TACC1: variants seen among roughly 807,000 people sequenced by gnomAD.
The protein encoded by TACC1 is transforming acidic coiled-coil containing protein 1.
Under a neutral mutation model 84.4 loss-of-function variants are expected in TACC1, and 48 were observed. The observed-to-expected ratio is 0.57, with a 90% CI of 0.45 to 0.72. The LOEUF (loss-of-function observed/expected upper bound fraction) is 0.72. Ranked by LOEUF, TACC1 falls within the 30% of genes least tolerant of loss-of-function variation. The pLI, the probability that TACC1 is intolerant of heterozygous loss-of-function variation, is 0.00. For synonymous variants in TACC1, 372 were observed against 376.3 expected (o/e 0.99, Z 0.13); for missense variants, 920 against 973.0 (o/e 0.95, Z 0.72).
intron 5 of TACC1, chr8:38,827,636 T>C (rs570035986): frequency 5.0e-5 from 25 of 497,518 alleles, no homozygotes; most frequent in Non-Finnish European, 8.0e-5. Context: ...CTTTATAATT[T>C]TATGTGAATA....
chr8:38,798,791 A>C (rs1240996130), intron 2 of TACC1, among the ~76,000 whole-genome samples: 1 of 152,116 alleles, frequency 6.6e-6, no homozygotes, highest in East Asian at 1.9e-4. Context: ...TTGTTGGGGA[A>C]ATGTGAGCTA....
chr8:38,803,054 G>A (rs1006238436), intron 2 of TACC1, among the ~76,000 whole-genome samples: 1 of 152,056 alleles, frequency 6.6e-6, no homozygotes, highest in Non-Finnish European at 1.5e-5. Context: ...GTTATAAATG[G>A]AATTGTTTTC....
chr8:38,847,483 T>G (rs1832526892), intron 12 of TACC1, among the ~76,000 whole-genome samples: 1 of 152,250 alleles, frequency 6.6e-6, no homozygotes, highest in Non-Finnish European at 1.5e-5. Flanking sequence ...TGTATTTTCT[T>G]TACTGCATTT....
chr8:38,759,432 C>T (rs1228080468), intron 3 of TACC1, among the ~76,000 whole-genome samples: 1 of 152,176 alleles, frequency 6.6e-6, no homozygotes, highest in Non-Finnish European at 1.5e-5. Context: ...TGACTGTATG[C>T]TGAAGAAATG....
At chr8:38,812,612 G>A (rs1362770636) in intron 2 of TACC1, among the ~76,000 whole-genome samples, 1 of 152,070 alleles carries the variant, frequency 6.6e-6, no homozygotes, top group Non-Finnish European at 1.5e-5. Context: ...TTTCCACATT[G>A]CAACTGGGGT....
intron 3 of TACC1, among the ~76,000 whole-genome samples, chr8:38,823,007 G>T (rs1052269341): frequency 6.6e-6 from 1 of 152,186 alleles, no homozygotes; most frequent in Non-Finnish European, 1.5e-5. Context: ...GATGAAATAT[G>T]GGAGTATGAG....
intron 1 of TACC1, chr8:38,742,249 G>A (rs1040430026): frequency 1.1e-5 from 5 of 470,896 alleles, no homozygotes; most frequent in African/African-American, 7.9e-5. Context: ...AACTGCAGAG[G>A]AATTTCTGAA....
chr8:38,737,192 T>G (rs1806129759), intron 1 of TACC1, among the ~76,000 whole-genome samples: 1 of 152,170 alleles, frequency 6.6e-6, no homozygotes, highest in African/African-American at 2.4e-5. Context: ...GCACTCAATC[T>G]AAGGACTTCT....
At position 38,772,039 on chromosome 8, in the gene TACC1, GA is replaced by G. The variant is rs1563372040; in HGVS notation, c.27-16664del. Among the ~76,000 whole-genome samples the G allele has an allele frequency of 2.9e-4, 44 of 152,182 alleles. 1 individual carries two copies. Among genetic ancestry groups the G allele is most frequent in the African/African-American group, 9.6e-4 (40 of 41,494 alleles). On this transcript the variant is annotated intron_variant, in intron 3 of 14. Transcript: ENST00000518415. ...AAAGAAAGAAAAAGAGAGAGAGAGAGAGAGAGAGAGAGAGGAAGGAAGGAAG... is the reference window on the plus strand; with the variant it reads ...AAAGAAAGAAAAAGAGAGAGAGAGAGGAGAGAGAGAGAGGAAGGAAGGAAG...
At chr8:38,827,399 T>G (rs1464952066) in intron 5 of TACC1, 24 bp downstream of exon 5, 1 of 1,611,248 alleles carries the variant, frequency 6.2e-7, no homozygotes, top group Non-Finnish European at 8.5e-7. Flanking sequence ...TCTTCATCTT[T>G]CTAATGTACA....
intron 8 of TACC1, 33 bp from the exon 9 acceptor site, chr8:38,840,191 C>T (rs536107465): frequency 6.4e-6 from 10 of 1,554,768 alleles, no homozygotes; most frequent in Admixed American, 5.1e-5. Flanking sequence ...TGAAAATCCT[C>T]CTCTGGTAAT....
chr8:38,749,585 T>A (rs550942641), intron 3 of TACC1, among the ~76,000 whole-genome samples: 94 of 152,114 alleles, frequency 6.2e-4, no homozygotes, highest in African/African-American at 2.2e-3. Flanking sequence ...TTTTTTTTGT[T>A]TGTTTTGTTT....
chr8:38,846,419 A>G, intron 11 of TACC1: 1 of 224,964 alleles, frequency 4.4e-6, no homozygotes, highest in Non-Finnish European at 8.6e-6. Context: ...AAAATTATGC[A>G]GTCTGCTTTT....
intron 3 of TACC1, among the ~76,000 whole-genome samples, chr8:38,765,711 G>A (rs1587418881): frequency 1.3e-5 from 2 of 152,230 alleles, no homozygotes; most frequent in Non-Finnish European, 2.9e-5. Context: ...ATTTACATGA[G>A]CAGAAGAAAG....
chr8:38,758,021 A>C (rs1216459095), intron 3 of TACC1, among the ~76,000 whole-genome samples: 1 of 152,208 alleles, frequency 6.6e-6, no homozygotes, highest in Non-Finnish European at 1.5e-5. Context: ...AGAGAAAGTG[A>C]TTAGGAGCAA....
rs1829179423 is a variant in TACC1, at chr8:38,831,279, G to T, written c.1713+102G>T. 8 of 1,181,430 alleles carry T rather than the reference G, an allele frequency of 6.8e-6. No homozygotes were observed. The African/African-American group carries it at 9.1e-5, about 13-fold the overall frequency. 73.2% of individuals were successfully genotyped at this position (1,181,430 alleles called of 1,614,324 possible). A position where few individuals can be genotyped will look rare whatever the true frequency, so the allele number is the denominator to read the frequency against. On this transcript the variant is annotated intron_variant, in intron 6 of 12. Coordinates refer to ENST00000317827, the MANE Select transcript of TACC1 (RefSeq NM_006283.3). ...TAAATTCTGGTCAGTGTTAGGTGAT[G>T]AGGATAAAATGTAAATGAGATAGTT...
intron 2 of TACC1, among the ~76,000 whole-genome samples, chr8:38,812,865 C>A (rs868837402): frequency 3.9e-5 from 6 of 152,124 alleles, no homozygotes; most frequent in Admixed American, 1.3e-4. Flanking sequence ...CTTGCTGTTA[C>A]GTCCCCAGTG....
chr8:38,843,407 T>C lies in TACC1; in HGVS notation c.2228+12T>C. The C allele has an allele frequency of 4.4e-6, 7 of 1,577,856 alleles. No homozygotes were observed. Among genetic ancestry groups the C allele is most frequent in the Non-Finnish European group, 5.2e-6 (6 of 1,160,148 alleles). On this transcript the variant is annotated intron_variant, in intron 11 of 12. Transcript: ENST00000317827. Reference sequence around the variant, plus strand: ...GAGAAACTGGACAAGTAAGAGCTTGTAAATGTTGAATTTCACTCTTCATGA... The same window carrying C: ...GAGAAACTGGACAAGTAAGAGCTTGCAAATGTTGAATTTCACTCTTCATGA...
intron 7 of TACC1, among the ~76,000 whole-genome samples, chr8:38,837,421 C>G (rs1830449260): frequency 6.6e-6 from 1 of 151,946 alleles, no homozygotes; most frequent in African/African-American, 2.4e-5. Flanking sequence ...GAAACTCCAT[C>G]TCAGAAAAAT....
Sources: allele counts gnomAD v4.1 joint callset (sites outside exome capture counted in the v4.1 genomes callset), GRCh38; gene constraint gnomAD v4.1.1; transcripts MANE v1.5; gene names NCBI Gene and HGNC (gene_info 2026-07-23, HGNC 2026-07-21).